IFI27L1: variants seen among roughly 807,000 people sequenced by gnomAD.
IFI27L1 encodes interferon alpha inducible protein 27 like 1, also known as interferon alpha-inducible protein 27-like protein 1.
Under a neutral mutation model 9.2 loss-of-function variants are expected in IFI27L1, and 3 were observed. The observed-to-expected ratio is 0.32, with a 90% CI of 0.15 to 0.84. The LOEUF (loss-of-function observed/expected upper bound fraction) is 0.84. Among genes scored for constraint, IFI27L1 ranks in the 40% least tolerant of loss-of-function variants. IFI27L1 has a pLI of 0.56. For missense variants in IFI27L1, 133 were observed against 134.2 expected (o/e 0.99, Z 0.05); for synonymous variants, 53 against 50.0 (o/e 1.06, Z -0.26).
chr14:94,094,304 A>G (rs1283357767), intron 1 of IFI27L1, among the ~76,000 whole-genome samples: 1 of 152,172 alleles, frequency 6.6e-6, no homozygotes, highest in Non-Finnish European at 1.5e-5. Context: ...GTACAGGATC[A>G]TGGGACATTG....
At chr14:94,100,194 G>C in intron 2 of IFI27L1, 1 of 776,248 alleles carries the variant, frequency 1.3e-6, no homozygotes, top group Non-Finnish European at 1.6e-6. Flanking sequence ...AGAGAGAAAG[G>C]GAGGTCCTGA....
At chr14:94,100,805 TC>T (rs1567072576) in intron 3 of IFI27L1, 34 bp downstream of exon 3, 23 of 1,608,744 alleles carry the variant, frequency 1.4e-5, no homozygotes, top group Non-Finnish European at 1.9e-5. Flanking sequence ...CAAGCCCCCA[TC>T]CCCCGCCTCC....
rs574882837 is a variant in IFI27L1, at chr14:94,098,496, G to C, written c.28+1531G>C. ...TCTTCATTACATTTGCAAAAACCCT[G>C]TTTCCAATTAAGGTCACATTCACAA... On this transcript the variant is annotated intron_variant, in intron 2 of 4. Coordinates refer to ENST00000555523, the MANE Select transcript of IFI27L1 (RefSeq NM_206949.3). Among the ~76,000 whole-genome samples, 10 of 152,280 alleles carry C rather than the reference G, an allele frequency of 6.6e-5. No homozygotes were observed. In the South Asian group the frequency reaches 1.7e-3, roughly 25 times the overall value.
At chr14:94,089,284 A>G (rs1886388631) in intron 1 of IFI27L1, 1 of 152,220 alleles carries the variant, frequency 6.6e-6, no homozygotes, top group Admixed American at 6.5e-5. Context: ...GATAATACTT[A>G]TAGTTATTTC....
chr14:94,087,429 A>G (rs574941151), intron 1 of IFI27L1, among the ~76,000 whole-genome samples: 1 of 151,960 alleles, frequency 6.6e-6, no homozygotes, highest in African/African-American at 2.4e-5. Flanking sequence ...TTTTATTTTT[A>G]TTTTTGTTTT....
chr14:94,099,399 A>G (rs1886807821), intron 2 of IFI27L1, among the ~76,000 whole-genome samples: 1 of 152,160 alleles, frequency 6.6e-6, no homozygotes, highest in Non-Finnish European at 1.5e-5. Context: ...GAGGTGGTGC[A>G]GGTTTGAAGA....
intron 1 of IFI27L1, among the ~76,000 whole-genome samples, chr14:94,087,334 C>T (rs577585440): frequency 6.6e-6 from 1 of 152,284 alleles, no homozygotes; most frequent in East Asian, 1.9e-4. Flanking sequence ...TAGTTTTGTT[C>T]TCAGGCATAC....
intron 1 of IFI27L1, among the ~76,000 whole-genome samples, chr14:94,082,844 G>A (rs1280548402): frequency 1.3e-5 from 2 of 152,184 alleles, no homozygotes; most frequent in African/African-American, 4.8e-5. Flanking sequence ...AGATGTATAA[G>A]GAGATGAATG....
At chr14:94,083,609 A>G (rs946850543) in intron 1 of IFI27L1, among the ~76,000 whole-genome samples, 6 of 152,242 alleles carry the variant, frequency 3.9e-5, no homozygotes, top group Admixed American at 1.3e-4. Flanking sequence ...TGGTTTCAGA[A>G]AAAAAGAAAA....
At chr14:94,097,647 A>C (rs1186329436) in intron 2 of IFI27L1, 1 of 702,326 alleles carries the variant, frequency 1.4e-6, no homozygotes, top group African/African-American at 1.7e-5. Context: ...CTGCAGAAGT[A>C]TGAGGGATGG....
intron 2 of IFI27L1, among the ~76,000 whole-genome samples, chr14:94,099,465 C>G (rs1370578786): frequency 6.6e-6 from 1 of 152,080 alleles, no homozygotes; most frequent in Non-Finnish European, 1.5e-5. Context: ...GTGAAAGGAA[C>G]AGAAAGACAC....
At position 94,102,551 on chromosome 14, in the gene IFI27L1, T is replaced by C. The variant is rs752436127; in HGVS notation, c.298T>C (p.Ser100Pro). 4 of 1,572,744 alleles carry C rather than the reference T, an allele frequency of 2.5e-6. No homozygotes were observed. The Admixed American group carries it at 5.4e-5, about 21-fold the overall frequency. Residue 100 changes from serine (S) to proline (P), a missense_variant, in exon 5 of 5, where the codon TCA becomes CCA. By Grantham distance (74) the Ser-to-Pro change is moderately conservative (BLOSUM62 -1). Transcript: ENST00000555523. ...GACAGCTCTTGGGGCCTGGCTGGGT[T>C]CACCCCCTTCCAGCTGAACACCACA... Reference protein sequence around the residue: ...AGTALGAWLGSPPSS With the variant: ...AGTALGAWLGPPPSS
chr14:94,095,252 G>T (rs1034684155), intron 1 of IFI27L1, among the ~76,000 whole-genome samples: 6 of 152,132 alleles, frequency 3.9e-5, no homozygotes, highest in Admixed American at 3.3e-4. Flanking sequence ...GCCCAGGCTG[G>T]TCTGGAACTC....
chr14:94,093,069 T>C (rs2139268374), intron 1 of IFI27L1, among the ~76,000 whole-genome samples: 1 of 151,984 alleles, frequency 6.6e-6, no homozygotes, highest in South Asian at 2.1e-4. Flanking sequence ...CACATCCCAA[T>C]ACCAGGAGCA....
rs554287375 is a variant in IFI27L1, at chr14:94,102,675, A to C, written c.*107A>C. ...AGTCTCCTACTCCCAAAACTATTTA[A>C]GGAAGCATGAAAAATAAAGATGCTG... On this transcript the variant is annotated 3_prime_UTR_variant, in exon 5 of 5. Coordinates refer to ENST00000555523, the MANE Select transcript of IFI27L1 (RefSeq NM_206949.3). 1.3e-3 allele frequency: 737 copies of C among 579,288 alleles called. No homozygotes were observed. Among genetic ancestry groups the C allele is most frequent in the South Asian group, 2.2e-3 (77 of 34,576 alleles). 35.9% of individuals were successfully genotyped at this position (579,288 alleles called of 1,614,324 possible). A position where few individuals can be genotyped will look rare whatever the true frequency, so the allele number is the denominator to read the frequency against.
intron 2 of IFI27L1, chr14:94,097,816 A>G (rs991853002): frequency 3.8e-5 from 24 of 639,862 alleles, no homozygotes; most frequent in Middle Eastern, 5.0e-4. Flanking sequence ...TTGGAGGGAC[A>G]GCTTCCAGAG....
intron 1 of IFI27L1, 152 bp from the exon 2 acceptor site, chr14:94,096,735 G>A: frequency 2.0e-6 from 1 of 507,028 alleles, no homozygotes; most frequent in Non-Finnish European, 3.6e-6. Context: ...AATACTTAGG[G>A]TAGTTACTCA....
At chr14:94,089,778 A>G (rs1886407504) in intron 1 of IFI27L1, among the ~76,000 whole-genome samples, 1 of 152,184 alleles carries the variant, frequency 6.6e-6, no homozygotes, top group Non-Finnish European at 1.5e-5. Context: ...TAAGGGTTGT[A>G]GAAGTATGTA....
chr14:94,091,323 A>G (rs2139266605), intron 1 of IFI27L1, among the ~76,000 whole-genome samples: 1 of 152,368 alleles, frequency 6.6e-6, no homozygotes, highest in Non-Finnish European at 1.5e-5. Context: ...ATGGCATACA[A>G]CAATTTTACA....
Sources: gnomAD v4.1 joint callset for allele counts (sites outside exome capture counted in the v4.1 genomes callset) on GRCh38, gnomAD v4.1.1 for gene constraint, MANE v1.5 for transcripts, NCBI Gene and HGNC (gene_info 2026-07-23, HGNC 2026-07-21) for gene names.